CATSPERB: variants seen among roughly 807,000 people sequenced by gnomAD.
CATSPERB encodes cation channel sperm-associated auxiliary subunit beta.
In CATSPERB, 93 loss-of-function variants were observed where a neutral mutation model predicts 128.3. The ratio of observed to expected loss-of-function variants is 0.72; its 90% CI spans 0.61 to 0.86. The LOEUF is 0.86. Among genes scored for constraint, CATSPERB ranks in the 40% least tolerant of loss-of-function variants. The pLI, the probability that CATSPERB is intolerant of heterozygous loss-of-function variation, is 0.00. For synonymous variants in CATSPERB, 381 were observed against 448.8 expected, an observed-to-expected ratio of 0.85 and a Z score of 1.91; for missense variants, 1,153 against 1,329.5, an observed-to-expected ratio of 0.87 and a Z score of 2.06.
At position 91,683,109 on chromosome 14, in the gene CATSPERB, T is replaced by C. The variant is rs574995517; in HGVS notation, c.931+768A>G. 3.3e-5 allele frequency among the ~76,000 whole-genome samples: 5 copies of C among 152,348 alleles called. No individual in the cohort carries two copies. In the South Asian group the frequency reaches 1.0e-3, roughly 32 times the overall value. ...AGCACGATTGGTATTTTGCTCATTGTCCTCTTCGGCTGCTGTGGATTTTAT... is the reference window on the plus strand; with the variant it reads ...AGCACGATTGGTATTTTGCTCATTGCCCTCTTCGGCTGCTGTGGATTTTAT... On this transcript the variant is annotated intron_variant, in intron 11 of 26. Coordinates refer to ENST00000256343, the MANE Select transcript of CATSPERB (RefSeq NM_024764.4).
chr14:91,671,244 C>T lies in CATSPERB; in HGVS notation c.1129-1272G>A, dbSNP rs1390179877. ...ATACCCCTGAAGGAGAAGGAAAGAC[C>T]ACTCATACCTAGATTTACAAACATT... On this transcript the variant is annotated intron_variant, in intron 13 of 26. Transcript: ENST00000256343. Among the ~76,000 whole-genome samples, 7 of 151,986 alleles carry T rather than the reference C, an allele frequency of 4.6e-5. No individual in the cohort carries two copies. In the East Asian group the frequency reaches 1.4e-3, roughly 29 times the overall value.
chr14:91,690,799 A>T (rs1222538649), intron 10 of CATSPERB, among the ~76,000 whole-genome samples: 1 of 152,260 alleles, frequency 6.6e-6, no homozygotes, highest in Non-Finnish European at 1.5e-5. Context: ...AGTCCAAGAT[A>T]AAGGTGCAGG....
intron 19 of CATSPERB, 31 bp from the exon 20 acceptor site, chr14:91,617,767 G>T (rs1893971135): frequency 6.7e-7 from 1 of 1,483,236 alleles, no homozygotes; most frequent in East Asian, 2.3e-5. Context: ...GTTAATATTA[G>T]ATAATGAAAA....
intron 22 of CATSPERB, among the ~76,000 whole-genome samples, chr14:91,606,379 A>G (rs1451144368): frequency 6.6e-6 from 1 of 151,798 alleles, no homozygotes; most frequent in African/African-American, 2.4e-5. Flanking sequence ...CCTGGTCAAC[A>G]TGGCAAAACC....
intron 20 of CATSPERB, among the ~76,000 whole-genome samples, chr14:91,612,994 C>T (rs900967118): frequency 6.6e-6 from 1 of 152,082 alleles, no homozygotes; most frequent in African/African-American, 2.4e-5. Context: ...CTTGTTTTAT[C>T]TCAGTTCAAA....
intron 1 of CATSPERB, among the ~76,000 whole-genome samples, chr14:91,731,252 C>G (rs1004114663): frequency 6.6e-6 from 1 of 152,164 alleles, no homozygotes; most frequent in East Asian, 1.9e-4. Context: ...TATCTGCCAT[C>G]CTGCAAGCTC....
At chr14:91,598,651 G>T (rs1237209450) in intron 22 of CATSPERB, among the ~76,000 whole-genome samples, 2 of 152,090 alleles carry the variant, frequency 1.3e-5, no homozygotes, top group South Asian at 2.1e-4. Flanking sequence ...AAGGTCAGGA[G>T]ATCAAGACCA....
intron 20 of CATSPERB, among the ~76,000 whole-genome samples, chr14:91,615,829 C>T (rs1365691065): frequency 1.3e-5 from 2 of 151,446 alleles, no homozygotes; most frequent in African/African-American, 4.9e-5. Flanking sequence ...TTTGAAATTG[C>T]TAGATCATAC....
At chr14:91,706,157 T>C (rs1332019601) in intron 6 of CATSPERB, among the ~76,000 whole-genome samples, 1 of 152,202 alleles carries the variant, frequency 6.6e-6, no homozygotes, top group Admixed American at 6.5e-5. Context: ...GATATTTTTT[T>C]CACTTTGTGC....
At chr14:91,638,945 A>G in intron 16 of CATSPERB, 151 bp downstream of exon 16, 1 of 630,778 alleles carries the variant, frequency 1.6e-6, no homozygotes. Flanking sequence ...TTTGTGGCAC[A>G]TGGAGGTTCT....
At chr14:91,691,347 A>C (rs374236400) in intron 10 of CATSPERB, among the ~76,000 whole-genome samples, 176 bp downstream of exon 10, 8 of 152,278 alleles carry the variant, frequency 5.3e-5, no homozygotes. Flanking sequence ...GAATATATGT[A>C]TAAATAATAT....
At chr14:91,650,176 A>G (rs1166836967) in intron 15 of CATSPERB, among the ~76,000 whole-genome samples, 1 of 152,244 alleles carries the variant, frequency 6.6e-6, no homozygotes. Context: ...TTATAACTTT[A>G]TAAATATTTA....
intron 7 of CATSPERB, 124 bp from the exon 8 acceptor site, chr14:91,693,603 T>C (rs1050810567): frequency 1.8e-5 from 12 of 660,840 alleles, no homozygotes; most frequent in Admixed American, 5.6e-5. Flanking sequence ...TCCCAAAGCA[T>C]TGGAAAGATG....
At position 91,729,213 on chromosome 14, in the gene CATSPERB, C is replaced by T. The variant is rs113927886; in HGVS notation, c.79+188G>A. On this transcript the variant is annotated intron_variant, in intron 2 of 26. Coordinates refer to ENST00000256343, the MANE Select transcript of CATSPERB (RefSeq NM_024764.4). ...AATTAGCCAGGCGTGGTGGTGGGCA[C>T]CTGTAATCCCAGGTACTCGGGATAT... is the stretch of plus-strand genomic sequence containing the variant. Among the ~76,000 whole-genome samples, 920 of 152,156 alleles carry T rather than the reference C, an allele frequency of 6.0e-3. 14 individuals are homozygous for T. The highest frequency in any genetic ancestry group is 0.021 in the African/African-American group (864 of 41,498).
intron 5 of CATSPERB, among the ~76,000 whole-genome samples, chr14:91,712,456 T>C (rs1171186951): frequency 6.6e-6 from 1 of 152,138 alleles, no homozygotes; most frequent in Admixed American, 6.5e-5. Flanking sequence ...TAAGTAATGG[T>C]AGTCATAGCG....
chr14:91,659,948 GA>G lies in CATSPERB; in HGVS notation c.1320del (p.Gln441AsnfsTer2). The G allele has an allele frequency of 6.3e-7, 1 of 1,598,126 alleles. No individual in the cohort carries two copies. Among genetic ancestry groups the G allele is most frequent in the South Asian group, 1.1e-5 (1 of 87,572 alleles). On this transcript the variant is annotated frameshift_variant, in exon 15 of 27. Coordinates refer to ENST00000256343, the MANE Select transcript of CATSPERB (RefSeq NM_024764.4). LOFTEE classifies it high-confidence loss of function. Reference protein sequence around the residue: ...IWLSVDGGNTFQLIANFHDDI... With the variant: ...IWLSVDGGNTXQLIANFHDDI... ...TCATCATGAAAGTTAGCTATTAATT[GA>G]AAGGTGTTGCCGCCATCAACTGAAA...
chr14:91,707,116 C>T (rs1047495906), intron 6 of CATSPERB, among the ~76,000 whole-genome samples: 1 of 152,170 alleles, frequency 6.6e-6, no homozygotes, highest in Non-Finnish European at 1.5e-5. Flanking sequence ...AAAGTCCACA[C>T]TTTTTACCAA....
chr14:91,648,318 C>G (rs1199593055), intron 15 of CATSPERB, among the ~76,000 whole-genome samples: 1 of 152,162 alleles, frequency 6.6e-6, no homozygotes, highest in African/African-American at 2.4e-5. Flanking sequence ...TAGCTTGACT[C>G]AAATGGAAAA....
At chr14:91,712,501 A>G (rs1486871973) in intron 5 of CATSPERB, among the ~76,000 whole-genome samples, 1 of 152,232 alleles carries the variant, frequency 6.6e-6, no homozygotes, top group African/African-American at 2.4e-5. Flanking sequence ...ATGTTTGCAA[A>G]GCAAAAACTG....
Sources: gnomAD v4.1 joint callset for allele counts (sites outside exome capture counted in the v4.1 genomes callset) on GRCh38, gnomAD v4.1.1 for gene constraint, MANE v1.5 for transcripts, NCBI Gene and HGNC (gene_info 2026-07-23, HGNC 2026-07-21) for gene names.